The following DUSP15 variants were observed in gnomAD, a reference collection of about 807,000 sequenced individuals.
DUSP15 encodes dual specificity phosphatase 15, also known as dual specificity protein phosphatase 15.
A neutral mutation model predicts 26.3 loss-of-function variants in DUSP15; 23 were observed. The ratio of observed to expected loss-of-function variants is 0.87; its 90% CI spans 0.63 to 1.24. DUSP15 has a LOEUF of 1.24. Among genes scored for constraint, DUSP15 ranks in the 50% most tolerant of loss-of-function variants. The pLI is 0.00. For synonymous variants in DUSP15, 143 were observed against 135.5 expected (o/e 1.06, Z -0.39); for missense variants, 364 against 320.6 (o/e 1.14, Z -1.03).
In DUSP15 at chr20:31,861,505, C is replaced by A; in HGVS notation, c.606G>T (p.Pro202=). 6.5e-7 allele frequency: 1 copy of A among 1,528,114 alleles called. No homozygotes were observed. The highest frequency in any genetic ancestry group is 8.7e-7 in the Non-Finnish European group (1 of 1,146,684). The allele number at this position is 1,528,114 out of a possible 1,614,324, so 94.7% of individuals were successfully genotyped here. A position where few individuals can be genotyped will look rare whatever the true frequency, so the allele number is the denominator to read the frequency against. The change falls in exon 7 of 7, where the codon CCG becomes CCT. Residue 202 remains proline, a synonymous_variant. Coordinates refer to ENST00000339738, the MANE Select transcript of DUSP15 (RefSeq NM_080611.5). ...GCCGGTGGGCTTCCCGGGGCGTGCG[C>A]GGCACCAGGCGCTGCACGGTTCCCT... ...ASEGTVQRLV[P]RTPREAHRPL...
downstream of DUSP15, among the ~76,000 whole-genome samples, chr20:31,859,311 A>T (rs1329453186): frequency 8.7e-6 from 1 of 115,592 alleles, no homozygotes. Context: ...GGGGGGGGGG[A>T]TTTGCATCTT....
chr20:31,851,886 C>A (rs1236008949), intron 6 of DUSP15, among the ~76,000 whole-genome samples: 1 of 152,192 alleles, frequency 6.6e-6, no homozygotes, highest in Non-Finnish European at 1.5e-5. Flanking sequence ...GCCTGCTATT[C>A]CCTGGGCCCC....
At chr20:31,848,927 C>A in intron 8 of DUSP15, 1 of 1,591,884 alleles carries the variant, frequency 6.3e-7, no homozygotes. Context: ...CACAATTATA[C>A]GACACTGAGA....
At chr20:31,848,921 A>G (rs562698131) in intron 8 of DUSP15, 425 of 1,600,524 alleles carry the variant, frequency 2.7e-4, no homozygotes, top group Non-Finnish European at 3.3e-4. Context: ...TGGGCACACA[A>G]TTATACGACA....
At position 31,848,507 on chromosome 20, in the gene DUSP15, C is replaced by T. The variant is rs115300336; in HGVS notation, c.785G>A (p.Arg262His). 1.3e-3 allele frequency: 2,169 copies of T among 1,609,532 alleles called. 24 individuals carry two copies. The African/African-American group carries it at 0.026, about 19-fold the overall frequency. The change falls in exon 10 of 10, where the codon CGC becomes CAC. Residue 262 changes from arginine to histidine, a missense_variant. Coordinates refer to the DUSP15 transcript ENST00000278979. Reference sequence around the variant, plus strand: ...GCCAGGGGTTGAGGACCCATCTGGGCGCTCGGTTGAGGCACTTAGAGTGCA... The same window carrying T: ...GCCAGGGGTTGAGGACCCATCTGGGTGCTCGGTTGAGGCACTTAGAGTGCA...
In DUSP15 at chr20:31,865,030, G is replaced by C. The variant is rs180985537; in HGVS notation, c.139-28C>G. The C allele has an allele frequency of 4.3e-6, 7 of 1,613,998 alleles. No individual in the cohort carries two copies. In the East Asian group the frequency reaches 1.3e-4, roughly 31 times the overall value. ...GCAAGTACAAAATACACTCAGGCAG[G>C]GGACCTTGCCTGCAACCCTCCCTGA... On this transcript the variant is annotated intron_variant, in intron 3 of 6. Coordinates refer to ENST00000339738, the MANE Select transcript of DUSP15 (RefSeq NM_080611.5).
downstream of DUSP15, among the ~76,000 whole-genome samples, chr20:31,858,323 T>C (rs1057246373): frequency 7.2e-5 from 11 of 152,234 alleles, no homozygotes; most frequent in African/African-American, 2.7e-4. The surrounding 1 kb of genome is among the most constrained non-coding windows in gnomAD (Gnocchi z 4.4). Context: ...ATGGGTCACC[T>C]GCCGTCGGGG....
intron 6 of DUSP15, among the ~76,000 whole-genome samples, chr20:31,854,307 G>A (rs992828469): frequency 4.6e-5 from 7 of 152,188 alleles, no homozygotes; most frequent in Non-Finnish European, 7.3e-5. Flanking sequence ...TTTGAGGCTT[G>A]ATTTTATTGT....
At position 31,861,460 on chromosome 20, in the gene DUSP15, G is replaced by A. The variant is rs748575175; in HGVS notation, c.651C>T (p.Arg217=). Residue 217 remains arginine (R), a synonymous_variant, in exon 7 of 7, where the codon CGC becomes CGT. Coordinates refer to ENST00000339738, the MANE Select transcript of DUSP15 (RefSeq NM_080611.5). The part of the protein sequence containing the change: ...EAHRPLPLLA[R]VKQTFSCLPR... ...GGAGGCAAGAGAAAGTCTGCTTGAC[G>A]CGCGCCAGCAGCGGCAGCGGCCGGT... The A allele has an allele frequency of 7.1e-6, 11 of 1,555,506 alleles. No individual in the cohort carries two copies. Among genetic ancestry groups the A allele is most frequent in the Middle Eastern group, 1.7e-4 (1 of 5,736 alleles).
chr20:31,848,383 C>T, exon 10 of DUSP15: 2 of 1,605,948 alleles, frequency 1.2e-6, no homozygotes, highest in Non-Finnish European at 1.7e-6. Context: ...GAGTAGGGAG[C>T]CCCCCTGTTG....
chr20:31,845,635 G>T (rs1368035436), downstream of DUSP15: 5 of 1,474,266 alleles, frequency 3.4e-6, no homozygotes, highest in Middle Eastern at 2.4e-4. Context: ...TGGTTAAAAG[G>T]TCCACTGGCC....
At chr20:31,868,591 T>C (rs946464549) in intron 2 of DUSP15, among the ~76,000 whole-genome samples, 6 of 150,690 alleles carry the variant, frequency 4.0e-5, no homozygotes, top group African/African-American at 1.5e-4. Context: ...GTGATTCTCC[T>C]GCCTCAGCCT....
chr20:31,861,431 CG>C lies in DUSP15; in HGVS notation c.679del (p.Arg227GlyfsTer48). Reference sequence around the variant, plus strand: ...CTTGCCGCCCTTGCGGGACAGACACCGGGGGAGGCAAGAGAAAGTCTGCTTG... The same window carrying C: ...CTTGCCGCCCTTGCGGGACAGACACCGGGGAGGCAAGAGAAAGTCTGCTTG... ...RVKQTFSCLP[R>X]CLSRKGGK is the part of the protein sequence containing the mutation. On this transcript the variant is annotated frameshift_variant, in exon 7 of 7. Transcript: ENST00000339738. LOFTEE classifies it high-confidence loss of function. The C allele has an allele frequency of 1.3e-6, 2 of 1,546,900 alleles. No homozygotes were observed. Among genetic ancestry groups the C allele is most frequent in the South Asian group, 1.2e-5 (1 of 84,866 alleles).
chr20:31,861,639 G>C lies in DUSP15; in HGVS notation c.472C>G (p.Pro158Ala). 1.3e-6 allele frequency: 2 copies of C among 1,491,126 alleles called. No homozygotes were observed. The highest frequency in any genetic ancestry group is 2.8e-5 in the East Asian group (1 of 35,178). The allele number at this position is 1,491,126 out of a possible 1,614,324, so 92.4% of individuals were successfully genotyped here. A position where few individuals can be genotyped will look rare whatever the true frequency, so the allele number is the denominator to read the frequency against. The part of the protein sequence containing the change: ...RQLEERFGES[P>A]FRDEEELRAL... ...CGCAACTCCTCCTCGTCGCGGAAGG[G>C]GCTCTCGCCGAAGCGCTCCTCCAGC... Residue 158 changes from proline to alanine, a missense_variant, in exon 7 of 7, where the codon CCC becomes GCC. Coordinates refer to ENST00000339738, the MANE Select transcript of DUSP15 (RefSeq NM_080611.5).
At chr20:31,867,583 C>T (rs1342591735) in intron 2 of DUSP15, among the ~76,000 whole-genome samples, 1 of 150,016 alleles carries the variant, frequency 6.7e-6, no homozygotes, top group Non-Finnish European at 1.5e-5. Flanking sequence ...CACAGTGTGC[C>T]GCCATTAAAA....
chr20:31,857,872 G>C (rs774435763), downstream of DUSP15, among the ~76,000 whole-genome samples: 7 of 152,232 alleles, frequency 4.6e-5, no homozygotes, highest in Admixed American at 6.5e-5. Context: ...GATGGGTTTA[G>C]GGGTGGGAGG....
chr20:31,855,194 C>T (rs946755435), intron 6 of DUSP15, among the ~76,000 whole-genome samples: 16 of 152,118 alleles, frequency 1.1e-4, no homozygotes, highest in Non-Finnish European at 1.5e-4. Context: ...AAAAAGGACA[C>T]GTGTTTACAT....
rs2062866816 is a variant in DUSP15, at chr20:31,869,549, G to C, written c.55+15C>G. 2 of 1,611,084 alleles carry C rather than the reference G, an allele frequency of 1.2e-6. No individual in the cohort carries two copies. The highest frequency in any genetic ancestry group is 1.7e-6 in the Non-Finnish European group (2 of 1,178,850). ...CAGAGTGCCATGGCCTCGGGACAGA[G>C]TGGGCAGTGCTCACCAATGAAGTTT... On this transcript the variant is annotated intron_variant, in intron 2 of 6. Coordinates refer to ENST00000339738, the MANE Select transcript of DUSP15 (RefSeq NM_080611.5).
chr20:31,863,302 A>G lies in DUSP15; in HGVS notation c.264-560T>C, dbSNP rs532246187. 1.1e-4 allele frequency among the ~76,000 whole-genome samples: 16 copies of G among 152,266 alleles called. No homozygotes were observed. The East Asian group carries it at 3.1e-3, about 29-fold the overall frequency. On this transcript the variant is annotated intron_variant, in intron 5 of 6. Coordinates refer to ENST00000339738, the MANE Select transcript of DUSP15 (RefSeq NM_080611.5). Reference sequence around the variant, plus strand: ...GTGTGTACAAAGACCATGAGGCATAAGCCTCGTAGATTTGGAGGATGGGGA... The same window carrying G: ...GTGTGTACAAAGACCATGAGGCATAGGCCTCGTAGATTTGGAGGATGGGGA...
Sources: allele counts gnomAD v4.1 joint callset (sites outside exome capture counted in the v4.1 genomes callset), GRCh38; gene constraint gnomAD v4.1.1; non-coding constraint Gnocchi (gnomAD v3.1); transcripts MANE v1.5; gene names NCBI Gene and HGNC (gene_info 2026-07-23, HGNC 2026-07-21).